QSOX2: variants seen among roughly 807,000 people sequenced by gnomAD.
The protein encoded by QSOX2 is sulfhydryl oxidase 2.
In QSOX2, 46 loss-of-function variants were observed where a neutral mutation model predicts 61.7. That is an observed-to-expected ratio of 0.75 (90% CI 0.59 to 0.95). The LOEUF is 0.95. QSOX2 is among the 40% of genes least tolerant of loss of function. QSOX2 has a pLI of 0.00. For synonymous variants in QSOX2, 383 were observed against 388.4 expected (o/e 0.99, Z 0.16); for missense variants, 879 against 918.9 (o/e 0.96, Z 0.56).
intron 1 of QSOX2, among the ~76,000 whole-genome samples, chr9:136,243,216 TCCTG>T (rs1353625901): frequency 6.6e-6 from 1 of 152,252 alleles, no homozygotes; most frequent in Non-Finnish European, 1.5e-5. Context: ...TTTGAAATGG[TCCTG>T]CAAAGCTGTC....
chr9:136,235,982 G>A (rs939377637), intron 1 of QSOX2, among the ~76,000 whole-genome samples: 2 of 152,194 alleles, frequency 1.3e-5, no homozygotes, highest in African/African-American at 2.4e-5. Flanking sequence ...ATGGAACTTC[G>A]CAGCCACCGT....
In QSOX2 at chr9:136,214,307, C is replaced by T. The variant is rs28675808; in HGVS notation, c.1360+847G>A. ...AACCCCTTGTGGTGGGCAGCCTCTG[C>T]GACGGTCCCCACAGATCACACCACC... On this transcript the variant is annotated intron_variant, in intron 10 of 11. Transcript: ENST00000358701. 8.5e-3 allele frequency among the ~76,000 whole-genome samples: 1,301 copies of T among 152,320 alleles called. 20 individuals carry two copies. Among genetic ancestry groups the T allele is most frequent in the African/African-American group, 0.03 (1,235 of 41,566 alleles).
At position 136,218,816 on chromosome 9, in the gene QSOX2, G is replaced by A. The variant is rs772734481; in HGVS notation, c.957-8C>T. 1.5e-5 allele frequency: 24 copies of A among 1,610,448 alleles called. No homozygotes were observed. Among genetic ancestry groups the A allele is most frequent in the South Asian group, 1.4e-4 (13 of 90,938 alleles). On this transcript the variant is annotated splice_polypyrimidine_tract_variant and splice_region_variant and intron_variant, in intron 7 of 11. Coordinates refer to ENST00000358701, the MANE Select transcript of QSOX2 (RefSeq NM_181701.4). ...ACCGTGTACAGCTTCGACCTAGGAC[G>A]GGATATGGCAGCGTCAGGGAATGCC...
Position 136,237,573 on chromosome 9 carries a change from G to A in QSOX2, c.328+7903C>T, listed in dbSNP as rs1217620322. Among the ~76,000 whole-genome samples the A allele has an allele frequency of 4.0e-4, 47 of 116,764 alleles. 1 individual carries two copies. Among genetic ancestry groups the A allele is most frequent in the Admixed American group, 8.7e-4 (9 of 10,330 alleles). The allele number at this position is 116,764 out of a possible 152,430, so 76.6% of individuals were successfully genotyped here. On this transcript the variant is annotated intron_variant, in intron 1 of 11. Coordinates refer to ENST00000358701, the MANE Select transcript of QSOX2 (RefSeq NM_181701.4). The stretch of plus-strand genomic sequence containing the variant: ...CACCTGGAGCCCGTCCTGTGGCGGC[G>A]TCACCTGGAGCCCGTCCTGTGCCAC...
Position 136,211,396 on chromosome 9 carries a change from A to C in QSOX2, c.1417T>G (p.Phe473Val). The C allele has an allele frequency of 6.2e-7, 1 of 1,614,182 alleles. No homozygotes were observed. Among genetic ancestry groups the C allele is most frequent in the Non-Finnish European group, 8.5e-7 (1 of 1,180,030 alleles). Reference sequence around the variant, plus strand: ...TCACCACATTCCTTACACCCAAAGAAGGTGTGAACGTACCTCCTCATTGTC... The same window carrying C: ...TCACCACATTCCTTACACCCAAAGACGGTGTGAACGTACCTCCTCATTGTC... ...LQTMRRYVHT[F>V]FGCKECGEHF... The change falls in exon 11 of 12, where the codon TTC becomes GTC. Residue 473 changes from phenylalanine to valine, a missense_variant. Coordinates refer to ENST00000358701, the MANE Select transcript of QSOX2 (RefSeq NM_181701.4).
intron 11 of QSOX2, chr9:136,210,406 C>T (rs1831830659): frequency 1.0e-6 from 1 of 985,328 alleles, no homozygotes; most frequent in Non-Finnish European, 1.2e-6. Context: ...CAGGTAGCAG[C>T]AGGGGCTCCA....
chr9:136,230,247 C>G (rs1564295309), intron 1 of QSOX2, among the ~76,000 whole-genome samples: 1 of 152,214 alleles, frequency 6.6e-6, no homozygotes. Flanking sequence ...CCACTGCACT[C>G]CAGCCTGGCG....
At chr9:136,234,612 A>T (rs1830362443) in intron 1 of QSOX2, among the ~76,000 whole-genome samples, 1 of 152,238 alleles carries the variant, frequency 6.6e-6, no homozygotes, top group African/African-American at 2.4e-5. Context: ...GCTGGCACCC[A>T]GGAACCTTCC....
intron 1 of QSOX2, among the ~76,000 whole-genome samples, chr9:136,230,700 A>G (rs1265649217): frequency 2.0e-5 from 3 of 152,258 alleles, no homozygotes; most frequent in African/African-American, 4.8e-5. Flanking sequence ...ATGATAAGCC[A>G]GTAAACACTC....
chr9:136,231,531 C>T (rs1328621535), intron 1 of QSOX2, among the ~76,000 whole-genome samples: 2 of 152,270 alleles, frequency 1.3e-5, no homozygotes, highest in Non-Finnish European at 2.9e-5. Context: ...GAGGGCTCTG[C>T]CCTTGGAAGG....
chr9:136,232,604 C>T (rs1830341285), intron 1 of QSOX2, among the ~76,000 whole-genome samples: 1 of 152,114 alleles, frequency 6.6e-6, no homozygotes, highest in African/African-American at 2.4e-5. Context: ...ACACACAGCA[C>T]CATTCACAGT....
rs574459478 is a variant in QSOX2, at chr9:136,226,622, T to C, written c.429+152A>G. The C allele has an allele frequency of 1.2e-4, 91 of 732,770 alleles. No homozygotes were observed. The East Asian group carries it at 1.7e-3, about 14-fold the overall frequency. The allele number at this position is 732,770 out of a possible 1,614,324, so 45.4% of individuals were successfully genotyped here. On this transcript the variant is annotated intron_variant, in intron 2 of 11. Transcript: ENST00000358701. ...CCCCACCAAACATCAGCTCCTACAA[T>C]TCCTACGAAGTTCCAAGGAGAGAGC... is the stretch of plus-strand genomic sequence containing the variant.
intron 1 of QSOX2, among the ~76,000 whole-genome samples, chr9:136,243,686 C>T (rs1346272816): frequency 1.3e-5 from 2 of 152,226 alleles, no homozygotes; most frequent in African/African-American, 4.8e-5. Flanking sequence ...TCAGAACAAA[C>T]CTCTTTCAGT....
rs1253992691 is a variant in QSOX2 at position 136,237,442 on chromosome 9, CACACCTGGAGCCCATCCTGTGCCGGCG to C, written c.328+8007_328+8033del. ...GCATCACCTGGAGCCCGTCCTGTGCCACACCTGGAGCCCATCCTGTGCCGGCGACACCTGGAGCCCGTCCTGTGCCGG... is the reference window on the plus strand; with the variant it reads ...GCATCACCTGGAGCCCGTCCTGTGCCACACCTGGAGCCCGTCCTGTGCCGG... On this transcript the variant is annotated intron_variant, in intron 1 of 11. Coordinates refer to ENST00000358701, the MANE Select transcript of QSOX2 (RefSeq NM_181701.4). Among the ~76,000 whole-genome samples the C allele has an allele frequency of 5.1e-3, 682 of 132,898 alleles. 9 individuals carry two copies. The highest frequency in any genetic ancestry group is 8.0e-3 in the Non-Finnish European group (501 of 62,320). 87.2% of individuals were successfully genotyped at this position (132,898 alleles called of 152,430 possible).
chr9:136,209,712 C>T lies in QSOX2; in HGVS notation c.1550-437G>A. On this transcript the variant is annotated intron_variant, in intron 11 of 11. Coordinates refer to ENST00000358701, the MANE Select transcript of QSOX2 (RefSeq NM_181701.4). The surrounding 1 kb of genome is among the most constrained non-coding windows in gnomAD (Gnocchi z 5.6). Reference sequence around the variant, plus strand: ...CTGAGGGTGCACCTGAGGCCCACTACCTACAGAGCCCCGGCCACCTGGGTG... The same window carrying T: ...CTGAGGGTGCACCTGAGGCCCACTATCTACAGAGCCCCGGCCACCTGGGTG... 1.0e-6 allele frequency: 1 copy of T among 985,008 alleles called. No homozygotes were observed. The allele number at this position is 985,008 out of a possible 1,614,324, so 61.0% of individuals were successfully genotyped here.
chr9:136,229,507 CTTT>C (rs199818423), intron 1 of QSOX2, among the ~76,000 whole-genome samples: 1 of 152,144 alleles, frequency 6.6e-6, no homozygotes, highest in Non-Finnish European at 1.5e-5. Context: ...TTATTCCACA[CTTT>C]TTTTAAAAAA....
At position 136,245,599 on chromosome 9, in the gene QSOX2, C is replaced by G. The variant is rs570092339; in HGVS notation, c.205G>C (p.Gly69Arg). 9.5e-6 allele frequency: 15 copies of G among 1,572,584 alleles called. No homozygotes were observed. In the African/African-American group the frequency reaches 1.8e-4, roughly 19 times the overall value. ...TTGGCGGTGGCCCCGCGCACGCTGC[C>G]GCTGTCCAGCACCCACACGGCGTCC... ...GEDAVWVLDS[G>R]SVRGATANSS... The change falls in exon 1 of 12, where the codon GGC becomes CGC. Residue 69 changes from glycine (G) to arginine (R), a missense_variant. Physicochemically the swap from Gly to Arg is moderately radical, Grantham distance 125 (BLOSUM62 -2). Coordinates refer to ENST00000358701, the MANE Select transcript of QSOX2 (RefSeq NM_181701.4).
intron 1 of QSOX2, 119 bp from the exon 2 acceptor site, chr9:136,226,993 T>C (rs908965304): frequency 1.0e-5 from 8 of 764,222 alleles, no homozygotes; most frequent in Admixed American, 3.8e-5. Flanking sequence ...CTGCCCCCTC[T>C]AGGTCATCAG....
chr9:136,219,397 A>G (rs1351390446), intron 6 of QSOX2, among the ~76,000 whole-genome samples: 1 of 152,238 alleles, frequency 6.6e-6, no homozygotes, highest in East Asian at 1.9e-4. Flanking sequence ...TCCAGTTGTA[A>G]TAAGTACTAT....
Sources: gnomAD v4.1 joint callset for allele counts (sites outside exome capture counted in the v4.1 genomes callset) on GRCh38, gnomAD v4.1.1 for gene constraint, Gnocchi (gnomAD v3.1) non-coding constraint, MANE v1.5 for transcripts, NCBI Gene and HGNC (gene_info 2026-07-23, HGNC 2026-07-21) for gene names.